LRRC71: variants seen among roughly 807,000 people sequenced by gnomAD.
LRRC71 encodes the protein leucine rich repeat containing 71.
A neutral mutation model predicts 66.6 loss-of-function variants in LRRC71; 54 were observed. That is an observed-to-expected ratio of 0.81 (90% CI 0.65 to 1.02). The LOEUF is 1.02. LRRC71 is among the 50% of genes least tolerant of loss of function. The pLI, the probability that LRRC71 is intolerant of heterozygous loss-of-function variation, is 0.00. For missense variants in LRRC71, 724 were observed against 718.0 expected, an observed-to-expected ratio of 1.01 and a Z score of -0.10; for synonymous variants, 323 against 303.9, an observed-to-expected ratio of 1.06 and a Z score of -0.65.
intron 5 of LRRC71, among the ~76,000 whole-genome samples, chr1:156,926,217 G>C (rs1571041659): frequency 6.6e-6 from 1 of 152,192 alleles, no homozygotes; most frequent in Non-Finnish European, 1.5e-5. Context: ...TGGCTTAAAA[G>C]GACATACATT....
rs201217271 is a variant in LRRC71, at chr1:156,929,291, T to G, written c.1008T>G (p.Ser336=). 2.6e-4 allele frequency: 415 copies of G among 1,604,402 alleles called. 1 individual carries two copies. In the Middle Eastern group the frequency reaches 6.8e-3, roughly 26 times the overall value. ...ATTTGTGAGCACAGCCCTCCTCCTC[T>G]CGACACGGGGACTCCAAAACGGACC... ...TQERSRSPSS[S]RHGDSKTDRE... is the part of the protein sequence containing the mutation. Residue 336 remains serine, a synonymous_variant, in exon 10 of 15, where the codon TCT becomes TCG. Coordinates refer to ENST00000337428, the MANE Select transcript of LRRC71 (RefSeq NM_144702.3).
chr1:156,939,898 C>T, the LRRC71 span: 26 of 1,604,774 alleles, frequency 1.6e-5, no homozygotes, highest in Middle Eastern at 1.7e-4. Flanking sequence ...GATCAGATGT[C>T]GCAGGTTCTC....
downstream of LRRC71, among the ~76,000 whole-genome samples, chr1:156,933,384 T>C (rs1284738190): frequency 1.3e-5 from 2 of 152,152 alleles, no homozygotes. Flanking sequence ...CTGACACACA[T>C]AAGCTTGGGA....
chr1:156,934,807 C>T (rs1654775511), downstream of LRRC71: 1 of 151,584 alleles, frequency 6.6e-6, no homozygotes, highest in African/African-American at 2.4e-5. Flanking sequence ...TACCTTTTAT[C>T]ACAGCGATTC....
the LRRC71 span, chr1:156,938,350 G>A: frequency 1.2e-5 from 17 of 1,457,458 alleles, no homozygotes; most frequent in Middle Eastern, 3.5e-4. Context: ...GCAGGGGTCC[G>A]ACTCTGCCCT....
the LRRC71 span, among the ~76,000 whole-genome samples, chr1:156,940,839 T>C: frequency 6.6e-6 from 1 of 152,054 alleles, no homozygotes; most frequent in Non-Finnish European, 1.5e-5. Context: ...AGGAAAAGCA[T>C]TCTAAGCAGA....
Position 156,929,717 on chromosome 1 carries a change from G to A in LRRC71, c.1228G>A (p.Ala410Thr). The A allele has an allele frequency of 6.4e-7, 1 of 1,566,286 alleles. No homozygotes were observed. Among genetic ancestry groups the A allele is most frequent in the Non-Finnish European group, 8.7e-7 (1 of 1,155,676 alleles). ...GTPKKEDATK[A>T]GKGKVTIPEQ... ...CCCTAAGAAGGAAGATGCCACAAAG[G>A]CAGGCAAGGGGAGTAAGTGCGGGTG... Residue 410 changes from alanine (A) to threonine (T), a missense_variant, in exon 11 of 15, where the codon GCA (alanine) becomes ACA (threonine). Ala to Thr is a moderately conservative substitution (Grantham distance 58, BLOSUM62 0). Transcript: ENST00000337428.
Position 156,930,514 on chromosome 1 carries a change from C to T in LRRC71, c.1241-15C>T. ...AAGTGTGCACTGTGCATTCTGGCTC[C>T]TCTTCTGGCCCCAGAGGTAACCATC... On this transcript the variant is annotated splice_polypyrimidine_tract_variant and intron_variant, in intron 11 of 14. Coordinates refer to ENST00000337428, the MANE Select transcript of LRRC71 (RefSeq NM_144702.3). 6.4e-7 allele frequency: 1 copy of T among 1,554,354 alleles called. No homozygotes were observed. Among genetic ancestry groups the T allele is most frequent in the Non-Finnish European group, 8.7e-7 (1 of 1,148,370 alleles).
At chr1:156,921,583 G>T in intron 1 of LRRC71, 1 of 964,586 alleles carries the variant, frequency 1.0e-6, no homozygotes, top group Non-Finnish European at 1.2e-6. Flanking sequence ...GCATTAGCCA[G>T]GTACTATCTC....
intron 13 of LRRC71, 191 bp from the exon 14 acceptor site, chr1:156,932,233 T>C (rs1314679829): frequency 1.5e-6 from 1 of 658,680 alleles, no homozygotes; most frequent in African/African-American, 1.8e-5. Context: ...ATTGGAGTAA[T>C]GAGAGGAGTT....
chr1:156,930,706 G>A, intron 12 of LRRC71, 89 bp downstream of exon 12: 1 of 1,232,896 alleles, frequency 8.1e-7, no homozygotes. Context: ...CTCCTGGAAT[G>A]TGGTCTCCAG....
intron 6 of LRRC71, 34 bp downstream of exon 6, chr1:156,927,304 G>A (rs1471931819): frequency 6.2e-7 from 1 of 1,605,382 alleles, no homozygotes; most frequent in East Asian, 2.2e-5. Flanking sequence ...CTTTCTCTGG[G>A]CCTGTCTCGA....
At position 156,924,438 on chromosome 1, in the gene LRRC71, T is replaced by C; in HGVS notation, c.325T>C (p.Ser109Pro). 6.4e-7 allele frequency: 1 copy of C among 1,550,794 alleles called. No individual in the cohort carries two copies. Among genetic ancestry groups the C allele is most frequent in the African/African-American group, 1.4e-5 (1 of 73,166 alleles). The stretch of plus-strand genomic sequence containing the variant: ...CTGCCTTCCAGACGATCCGCGGCTG[T>C]CGGGGTCCTGCAGCCTCAATAGCCT... ...EKATLDDPRLSGSCSLNSLES... is the reference protein window; with the variant it reads ...EKATLDDPRLPGSCSLNSLES... The change falls in exon 3 of 15, where the codon TCG becomes CCG. Residue 109 changes from serine (S) to proline (P), a missense_variant. Physicochemically the swap from Ser to Pro is moderately conservative, Grantham distance 74 (BLOSUM62 -1). Coordinates refer to ENST00000337428, the MANE Select transcript of LRRC71 (RefSeq NM_144702.3).
At chr1:156,932,344 G>A in intron 13 of LRRC71, 80 bp from the exon 14 acceptor site, 1 of 1,165,922 alleles carries the variant, frequency 8.6e-7, no homozygotes, top group Non-Finnish European at 1.2e-6. Context: ...GGAGGAACTG[G>A]GATGCTGGGG....
In LRRC71 at chr1:156,932,027, C is replaced by T. The variant is rs375573998; in HGVS notation, c.1441C>T (p.Arg481Trp). 2.4e-5 allele frequency: 38 copies of T among 1,584,074 alleles called. No individual in the cohort carries two copies. The highest frequency in any genetic ancestry group is 6.9e-5 in the East Asian group (3 of 43,704). Residue 481 changes from arginine to tryptophan, a missense_variant and splice_region_variant, in exon 13 of 15, where the codon CGG becomes TGG. By Grantham distance (101) the Arg-to-Trp change is moderately radical. Transcript: ENST00000337428. ...GGTCCTTTTGCACCTCAACCTCATC[C>T]GTATGTCTGCCAACCTCCCCTGTCC... ...NKVLLHLNLI[R>W]NRITEVGLEG...
chr1:156,930,458 T>C, intron 11 of LRRC71, 71 bp from the exon 12 acceptor site: 15 of 1,392,790 alleles, frequency 1.1e-5, no homozygotes, highest in Non-Finnish European at 1.2e-5. Context: ...ACAGCCTGTT[T>C]TCTCTGGGGA....
chr1:156,933,826 C>T (rs748981251), downstream of LRRC71, among the ~76,000 whole-genome samples: 2 of 152,226 alleles, frequency 1.3e-5, no homozygotes, highest in African/African-American at 2.4e-5. Flanking sequence ...TTCTTCCTCA[C>T]TTCTAAGCAG....
rs868669110 is a variant in LRRC71 at position 156,932,748 on chromosome 1, T to A, written c.1564-105T>A. The stretch of plus-strand genomic sequence containing the variant: ...TTAATCACTCTGCTTTTTCTGCATG[T>A]CCCCCAGCCCCTAACCCACCCTGCC... On this transcript the variant is annotated intron_variant, in intron 14 of 14. Transcript: ENST00000337428. 4.7e-6 allele frequency: 7 copies of A among 1,476,886 alleles called. No homozygotes were observed. The African/African-American group carries it at 8.4e-5, about 18-fold the overall frequency. The allele number at this position is 1,476,886 out of a possible 1,614,324, so 91.5% of individuals were successfully genotyped here.
Position 156,927,348 on chromosome 1 carries a change from T to C in LRRC71, c.662+78T>C, listed in dbSNP as rs1653357255. ...GCCATTTTTAGTCCCCGCCCTTCCTTGTCCCCCTACCATCTCGGCAAGGGC... is the reference window on the plus strand; with the variant it reads ...GCCATTTTTAGTCCCCGCCCTTCCTCGTCCCCCTACCATCTCGGCAAGGGC... On this transcript the variant is annotated intron_variant, in intron 6 of 14. Transcript: ENST00000337428. 1.9e-6 allele frequency: 3 copies of C among 1,560,418 alleles called. No individual in the cohort carries two copies. The Admixed American group carries it at 5.2e-5, about 27-fold the overall frequency.
Sources: allele counts gnomAD v4.1 joint callset (sites outside exome capture counted in the v4.1 genomes callset), GRCh38; gene constraint gnomAD v4.1.1; transcripts MANE v1.5; gene names NCBI Gene and HGNC (gene_info 2026-07-23, HGNC 2026-07-21).